The following CREBBP variants were observed in gnomAD, a reference collection of about 807,000 sequenced individuals.
The protein encoded by CREBBP is CREB-binding protein.
A neutral mutation model predicts 265.0 loss-of-function variants in CREBBP; 19 were observed. The observed-to-expected ratio is 0.07, with a 90% CI of 0.05 to 0.11. The LOEUF is 0.11. CREBBP is among the 10% of genes least tolerant of loss of function. The pLI, the probability that CREBBP is intolerant of heterozygous loss-of-function variation, is 1.00. For synonymous variants in CREBBP, 1,457 were observed against 1,223.7 expected (o/e 1.19, Z -3.98); for missense variants, 2,525 against 3,219.0 (o/e 0.78, Z 5.22).
intron 1 of CREBBP, among the ~76,000 whole-genome samples, chr16:3,863,879 C>A (rs369680250): frequency 6.6e-6 from 1 of 152,204 alleles, no homozygotes; most frequent in East Asian, 1.9e-4. Flanking sequence ...AATGACCCAG[C>A]AGCCCCTGCA....
chr16:3,797,486 C>G (rs866384985), intron 3 of CREBBP, among the ~76,000 whole-genome samples: 49 of 152,144 alleles, frequency 3.2e-4, no homozygotes, highest in African/African-American at 1.2e-3. Flanking sequence ...TATACACACA[C>G]CTATGATAAA....
At position 3,777,955 on chromosome 16, in the gene CREBBP, C is replaced by T. The variant is rs539379724; in HGVS notation, c.2113+56G>A. ...TGTTCTTAGAAATACACCCCAAACA[C>T]GAAGGAAAACCAAGGAAACAGGCTA... is the stretch of plus-strand genomic sequence containing the variant. On this transcript the variant is annotated intron_variant, in intron 10 of 30. Coordinates refer to ENST00000262367, the MANE Select transcript of CREBBP (RefSeq NM_004380.3). The T allele has an allele frequency of 1.6e-4, 256 of 1,581,464 alleles. 1 individual carries two copies. In the East Asian group the frequency reaches 4.0e-3, roughly 25 times the overall value.
Position 3,810,746 on chromosome 16 carries a change from G to C in CREBBP, c.832C>G (p.Gln278Glu). ...TGCCCTCCAGCTTGACTAAAGGGCT[G>C]TCCAAATGGACTTGTGTTCCCAGTT... ...GITGNTSPFG[Q>E]PFSQAGGQPM... Residue 278 changes from glutamine (Q) to glutamate (E), a missense_variant, in exon 3 of 31, where the codon CAG (glutamine) becomes GAG (glutamate). Gln to Glu is a conservative substitution (Grantham distance 29, BLOSUM62 2). Around this residue, in one of 19 missense-constraint regions of CREBBP, gnomAD observed 126 missense variants for 171.9 expected, o/e 0.73. Coordinates refer to ENST00000262367, the MANE Select transcript of CREBBP (RefSeq NM_004380.3). 1 of 1,613,928 alleles carries C rather than the reference G, an allele frequency of 6.2e-7. No individual in the cohort carries two copies. Among genetic ancestry groups the C allele is most frequent in the Non-Finnish European group, 8.5e-7 (1 of 1,180,024 alleles).
chr16:3,730,801 A>AG (rs1205142951), intron 30 of CREBBP, among the ~76,000 whole-genome samples: 1 of 152,066 alleles, frequency 6.6e-6, no homozygotes, highest in Admixed American at 6.6e-5. Flanking sequence ...GTCATTTCAC[A>AG]GGGGGGTCAA....
intron 2 of CREBBP, among the ~76,000 whole-genome samples, chr16:3,835,830 T>C (rs970178925): frequency 9.2e-5 from 14 of 151,950 alleles, no homozygotes; most frequent in African/African-American, 2.9e-4. Context: ...TCCACCCGCC[T>C]TGGCCTCCCA....
chr16:3,739,778 T>C (rs2151337988), intron 24 of CREBBP, 54 bp from the exon 25 acceptor site: 1 of 1,613,048 alleles, frequency 6.2e-7, no homozygotes, highest in Admixed American at 1.7e-5. Context: ...GACAAGGTGC[T>C]TCTGCACACC....
chr16:3,846,750 G>C (rs1393472000), intron 2 of CREBBP, among the ~76,000 whole-genome samples: 1 of 152,074 alleles, frequency 6.6e-6, no homozygotes, highest in African/African-American at 2.4e-5. Flanking sequence ...TTTATGTCTG[G>C]GGAGATAGCA....
chr16:3,862,461 T>C (rs1182694053), intron 1 of CREBBP, among the ~76,000 whole-genome samples: 1 of 152,200 alleles, frequency 6.6e-6, no homozygotes, highest in African/African-American at 2.4e-5. Context: ...GGTTATTAAA[T>C]TTGGGTTTAA....
intron 21 of CREBBP, among the ~76,000 whole-genome samples, chr16:3,746,547 A>G (rs1014642829): frequency 6.6e-6 from 1 of 152,078 alleles, no homozygotes; most frequent in African/African-American, 2.4e-5. Flanking sequence ...CAACGCTAAG[A>G]ATTTCAAAGG....
intron 1 of CREBBP, among the ~76,000 whole-genome samples, chr16:3,860,900 G>C (rs1323958505): frequency 6.6e-6 from 1 of 152,078 alleles, no homozygotes; most frequent in Non-Finnish European, 1.5e-5. Context: ...GTAGTGAGAA[G>C]AGTACTCAAC....
At chr16:3,808,542 C>T (rs1043350981) in intron 3 of CREBBP, among the ~76,000 whole-genome samples, 3 of 152,244 alleles carry the variant, frequency 2.0e-5, no homozygotes, top group African/African-American at 7.2e-5. Context: ...TGAGCAGCCT[C>T]TTTGCAGTCC....
At chr16:3,823,366 G>A (rs987938068) in intron 2 of CREBBP, among the ~76,000 whole-genome samples, 5 of 152,194 alleles carry the variant, frequency 3.3e-5, no homozygotes, top group African/African-American at 9.7e-5. Flanking sequence ...GTTGGTGACA[G>A]AGATTGCCGC....
intron 1 of CREBBP, among the ~76,000 whole-genome samples, chr16:3,868,713 G>C (rs1020883785): frequency 1.3e-5 from 2 of 152,036 alleles, no homozygotes; most frequent in Admixed American, 1.3e-4. Flanking sequence ...CTTCCTTCCA[G>C]TCAGACATCG....
intron 28 of CREBBP, among the ~76,000 whole-genome samples, chr16:3,733,294 G>A (rs1477648380): frequency 2.0e-5 from 3 of 150,848 alleles, no homozygotes; most frequent in East Asian, 2.0e-4. Flanking sequence ...CCCGGGAGGC[G>A]GAGCTTGCAG....
intron 10 of CREBBP, 85 bp downstream of exon 10, chr16:3,777,926 T>C: frequency 6.8e-7 from 1 of 1,481,436 alleles, no homozygotes; most frequent in Non-Finnish European, 9.4e-7. Flanking sequence ...ATATTCTAAT[T>C]CTCTGTTCTT....
chr16:3,841,821 T>C (rs2054572102), intron 2 of CREBBP, among the ~76,000 whole-genome samples: 1 of 152,180 alleles, frequency 6.6e-6, no homozygotes, highest in African/African-American at 2.4e-5. Context: ...CGGTCACCGG[T>C]GAGCTGGTTA....
intron 2 of CREBBP, among the ~76,000 whole-genome samples, chr16:3,839,024 C>T (rs533321468): frequency 6.6e-5 from 10 of 152,336 alleles, no homozygotes; most frequent in African/African-American, 2.4e-4. Context: ...AAGAATGTTA[C>T]ATACACCATC....
intron 2 of CREBBP, among the ~76,000 whole-genome samples, chr16:3,814,733 G>C (rs1035503163): frequency 6.6e-6 from 1 of 152,086 alleles, no homozygotes; most frequent in African/African-American, 2.4e-5. Flanking sequence ...CAAAGATCAT[G>C]AACGGTATGT....
rs1385417811 is a variant in CREBBP at position 3,726,773 on chromosome 16, CTAAG to C, written c.*941_*944del. 2 of 233,476 alleles carry C rather than the reference CTAAG, an allele frequency of 8.6e-6. No individual in the cohort carries two copies. The highest frequency in any genetic ancestry group is 1.7e-5 in the Non-Finnish European group (2 of 118,046). The allele number at this position is 233,476 out of a possible 1,614,324, so 14.5% of individuals were successfully genotyped here. A position where few individuals can be genotyped will look rare whatever the true frequency, so the allele number is the denominator to read the frequency against. On this transcript the variant is annotated 3_prime_UTR_variant, in exon 31 of 31. Transcript: ENST00000262367. ...TTTTCATAACAAAAAACCCCGAACA[CTAAG>C]TGTTAATACCATGTACATGAATTCA...
Sources: allele counts gnomAD v4.1 joint callset (sites outside exome capture counted in the v4.1 genomes callset), GRCh38; gene constraint gnomAD v4.1.1; regional missense constraint gnomAD v4.1.1; transcripts MANE v1.5; gene names NCBI Gene and HGNC (gene_info 2026-07-23, HGNC 2026-07-21).